SLC44A5: variants seen among roughly 807,000 people sequenced by gnomAD.
SLC44A5 encodes solute carrier family 44 member 5.
In SLC44A5, 57 loss-of-function variants were observed where a neutral mutation model predicts 101.8. The ratio of observed to expected loss-of-function variants is 0.56; its 90% CI spans 0.45 to 0.70. The LOEUF is 0.70. Ranked by LOEUF, SLC44A5 falls within the 30% of genes least tolerant of loss-of-function variation. The probability of loss-of-function intolerance (pLI) is 0.00; values close to 1 mark genes in which losing one functional copy is unlikely to be tolerated. For synonymous variants in SLC44A5, 281 were observed against 290.9 expected, an observed-to-expected ratio of 0.97 and a Z score of 0.35; for missense variants, 737 against 853.1, an observed-to-expected ratio of 0.86 and a Z score of 1.70.
the SLC44A5 span, among the ~76,000 whole-genome samples, chr1:75,654,762 T>C: frequency 6.6e-6 from 1 of 152,238 alleles, no homozygotes; most frequent in South Asian, 2.1e-4. Flanking sequence ...TACATCAGCA[T>C]AAACAGCTTC....
chr1:75,482,283 C>T (rs184445756), intron 2 of SLC44A5, among the ~76,000 whole-genome samples: 248 of 121,546 alleles, frequency 2.0e-3, no homozygotes, highest in East Asian at 5.7e-3. Flanking sequence ...GGTGGGGGGA[C>T]GGGGGAGGGA....
intron 2 of SLC44A5, among the ~76,000 whole-genome samples, chr1:75,473,235 A>C (rs1667207389): frequency 6.6e-6 from 1 of 152,220 alleles, no homozygotes; most frequent in Non-Finnish European, 1.5e-5. Context: ...AGGGAGCAAC[A>C]CTTTGCATAA....
rs76304701 is a variant in SLC44A5, at chr1:75,301,157, G to A, written c.102-472C>T. Among the ~76,000 whole-genome samples, 1,052 of 152,044 alleles carry A rather than the reference G, an allele frequency of 6.9e-3. 11 individuals are homozygous for A. The highest frequency in any genetic ancestry group is 0.047 in the South Asian group (224 of 4,806). On this transcript the variant is annotated intron_variant, in intron 4 of 23. Coordinates refer to ENST00000370859, the MANE Select transcript of SLC44A5 (RefSeq NM_001130058.2). ...GGATTGACTACATTAACTTTCTATGGAGAACTGAGTTGTAACTATTCCAGG... is the reference window on the plus strand; with the variant it reads ...GGATTGACTACATTAACTTTCTATGAAGAACTGAGTTGTAACTATTCCAGG...
chr1:75,631,062 C>T, the SLC44A5 span, among the ~76,000 whole-genome samples: 2 of 152,232 alleles, frequency 1.3e-5, no homozygotes, highest in Admixed American at 1.3e-4. Flanking sequence ...AATACATCCA[C>T]TTCTCCATCA....
At chr1:75,273,150 G>A (rs646879) in intron 6 of SLC44A5, among the ~76,000 whole-genome samples, 126,394 of 152,116 alleles carry the variant, frequency 0.83, 52,779 homozygotes, top group East Asian at 0.95. Flanking sequence ...CAGATGTTGT[G>A]AAAGGAATTG....
chr1:75,302,112 G>GTTTTTTTTTTTTTTTTTTTTTTT lies in SLC44A5; in HGVS notation c.102-1450_102-1428dup, dbSNP rs10684140. On this transcript the variant is annotated intron_variant, in intron 4 of 23. Transcript: ENST00000370859. Reference sequence around the variant, plus strand: ...AGAAAGCAGGTGCTCTAGTTTTTTTGTTTTTTTTTTTTTTTTTTTTTTTTG... The same window carrying GTTTTTTTTTTTTTTTTTTTTTTT: ...AGAAAGCAGGTGCTCTAGTTTTTTTGTTTTTTTTTTTTTTTTTTTTTTTTTTTTTTTTTTTTTTTTTTTTTTTG... 2.5e-4 allele frequency among the ~76,000 whole-genome samples: 15 copies of GTTTTTTTTTTTTTTTTTTTTTTT among 60,130 alleles called. 2 individuals carry two copies. The highest frequency in any genetic ancestry group is 6.9e-4 in the African/African-American group (10 of 14,504). The allele number at this position is 60,130 out of a possible 152,430, so 39.4% of individuals were successfully genotyped here. A position where few individuals can be genotyped will look rare whatever the true frequency, so the allele number is the denominator to read the frequency against.
chr1:75,235,271 G>A (rs1053256001), intron 11 of SLC44A5, among the ~76,000 whole-genome samples: 37 of 152,062 alleles, frequency 2.4e-4, no homozygotes, highest in African/African-American at 8.7e-4. Flanking sequence ...TATTTTAAGC[G>A]TATCAATACT....
chr1:75,690,245 T>G, the SLC44A5 span, among the ~76,000 whole-genome samples: 1 of 152,140 alleles, frequency 6.6e-6, no homozygotes, highest in Admixed American at 6.5e-5. Flanking sequence ...AAACAAGGCA[T>G]GTCTTACATG....
the SLC44A5 span, among the ~76,000 whole-genome samples, chr1:75,679,107 C>G: frequency 1.3e-5 from 2 of 152,046 alleles, no homozygotes; most frequent in African/African-American, 4.8e-5. Context: ...AAATATGGGA[C>G]TATGTGAAAA....
At chr1:75,673,690 C>A in the SLC44A5 span, among the ~76,000 whole-genome samples, 263 of 152,280 alleles carry the variant, frequency 1.7e-3, 1 homozygote, top group African/African-American at 5.8e-3. Context: ...TTGTGCCATC[C>A]TTCCCCAAGC....
chr1:75,669,595 A>G, the SLC44A5 span, among the ~76,000 whole-genome samples: 1 of 152,308 alleles, frequency 6.6e-6, no homozygotes, highest in Admixed American at 6.5e-5. Flanking sequence ...TAAAAATCTT[A>G]TTACTTTTAA....
intron 3 of SLC44A5, among the ~76,000 whole-genome samples, chr1:75,357,668 G>A (rs555067145): frequency 3.3e-5 from 5 of 152,236 alleles, no homozygotes; most frequent in African/African-American, 1.2e-4. Context: ...TTAAGAAAAT[G>A]GGCCCAGTGG....
chr1:75,305,753 A>T (rs745891030), intron 4 of SLC44A5, among the ~76,000 whole-genome samples: 14 of 152,180 alleles, frequency 9.2e-5, no homozygotes, highest in Non-Finnish European at 1.5e-4. Context: ...CAATGTTTCC[A>T]TTTACTCTCA....
chr1:75,634,966 AAAAC>A, the SLC44A5 span, among the ~76,000 whole-genome samples: 1 of 152,050 alleles, frequency 6.6e-6, no homozygotes, highest in Non-Finnish European at 1.5e-5. Flanking sequence ...TTACAAGAAA[AAAAC>A]AAACAACCCC....
chr1:75,558,164 T>A (rs1232601615), intron 1 of SLC44A5, among the ~76,000 whole-genome samples: 1 of 152,150 alleles, frequency 6.6e-6, no homozygotes, highest in Admixed American at 6.6e-5. Context: ...ACTTTTATTT[T>A]ATCTTTGGAT....
At chr1:75,454,893 C>T (rs953194452) in intron 2 of SLC44A5, among the ~76,000 whole-genome samples, 3 of 151,746 alleles carry the variant, frequency 2.0e-5, no homozygotes, top group Admixed American at 6.6e-5. Context: ...AGATATGATG[C>T]AAAAACATTC....
At chr1:75,353,279 G>A (rs889516290) in intron 3 of SLC44A5, among the ~76,000 whole-genome samples, 1 of 152,188 alleles carries the variant, frequency 6.6e-6, no homozygotes, top group Non-Finnish European at 1.5e-5. Context: ...TGAGCCAACT[G>A]AGCATCTGCT....
intron 23 of SLC44A5, chr1:75,205,689 A>C (rs1302377640): frequency 6.6e-6 from 1 of 152,104 alleles, no homozygotes; most frequent in Admixed American, 6.6e-5. Context: ...CTCTTTCCTC[A>C]CTGAAAGGTG....
the SLC44A5 span, among the ~76,000 whole-genome samples, chr1:75,699,771 C>A: frequency 1.3e-5 from 2 of 152,184 alleles, no homozygotes; most frequent in East Asian, 1.9e-4. Context: ...ATCTCACGTG[C>A]AGAGACACAC....
Sources: gnomAD v4.1 joint callset for allele counts (sites outside exome capture counted in the v4.1 genomes callset) on GRCh38, gnomAD v4.1.1 for gene constraint, MANE v1.5 for transcripts, NCBI Gene and HGNC (gene_info 2026-07-23, HGNC 2026-07-21) for gene names.